Variants in PRXL2A observed in about 807,000 individuals in gnomAD.
PRXL2A encodes the protein peroxiredoxin like 2A, also known as peroxiredoxin-like 2A.
Under a neutral mutation model 25.6 loss-of-function variants are expected in PRXL2A, and 26 were observed. The ratio of observed to expected loss-of-function variants is 1.02; its 90% confidence interval spans 0.74 to 1.41. The LOEUF is 1.41. Among genes scored for constraint, PRXL2A ranks in the 40% most tolerant of loss-of-function variants. The pLI is 0.00. For synonymous variants in PRXL2A, 98 were observed against 102.9 expected, an observed-to-expected ratio of 0.95 and a Z score of 0.29; for missense variants, 246 against 273.9, an observed-to-expected ratio of 0.90 and a Z score of 0.72.
chr10:80,408,220 A>T (rs1589547320), upstream of PRXL2A, among the ~76,000 whole-genome samples: 1 of 151,496 alleles, frequency 6.6e-6, no homozygotes, highest in Middle Eastern at 3.5e-3. Flanking sequence ...CAGGCTGAAG[A>T]TTGGAAGGAA....
rs1845375366 is a variant in PRXL2A, at chr10:80,435,375, C to T, written c.*3276C>T. ...GCTAGAAACTATGCTAGTGTTTGTTCAAGTCTCTCCGTGTCCGGGGTGAGC... is the reference window on the plus strand; with the variant it reads ...GCTAGAAACTATGCTAGTGTTTGTTTAAGTCTCTCCGTGTCCGGGGTGAGC... On this transcript the variant is annotated 3_prime_UTR_variant, in exon 6 of 6. Transcript: ENST00000606162. 1 of 152,150 alleles carries T rather than the reference C, an allele frequency of 6.6e-6. No homozygotes were observed. Among genetic ancestry groups the T allele is most frequent in the African/African-American group, 2.4e-5 (1 of 41,420 alleles). 9.4% of individuals were successfully genotyped at this position (152,150 alleles called of 1,614,324 possible).
At chr10:80,419,516 C>A (rs1184417653) in intron 1 of PRXL2A, among the ~76,000 whole-genome samples, 1 of 149,094 alleles carries the variant, frequency 6.7e-6, no homozygotes, top group Non-Finnish European at 1.5e-5. Context: ...TCATGTTAGT[C>A]AGGCTGGTCT....
Position 80,415,505 on chromosome 10 carries a change from C to T in PRXL2A, c.-2-4961C>T, listed in dbSNP as rs144184177. Among the ~76,000 whole-genome samples, 29 of 152,354 alleles carry T rather than the reference C, an allele frequency of 1.9e-4. No homozygotes were observed. In the East Asian group the frequency reaches 5.0e-3, roughly 26 times the overall value. On this transcript the variant is annotated intron_variant, in intron 1 of 5. Transcript: ENST00000606162. ...TCCATGCTGCCTCCTGTGTCCTACA[C>T]CGGCTCCAAAGCCACTTCCTTCTGG...
chr10:80,411,176 G>A (rs562424377), intron 1 of PRXL2A, among the ~76,000 whole-genome samples: 23 of 152,372 alleles, frequency 1.5e-4, no homozygotes, highest in African/African-American at 5.0e-4. Flanking sequence ...TGCATCATCA[G>A]TATGCTAGAC....
Position 80,436,718 on chromosome 10 carries a change from A to G in PRXL2A, c.*4619A>G, listed in dbSNP as rs1327855232. On this transcript the variant is annotated 3_prime_UTR_variant, in exon 6 of 6. Coordinates refer to ENST00000606162, the MANE Select transcript of PRXL2A (RefSeq NM_032333.5). ...TCCCCAAGGCAGGTCATCAGAAACCAGAACCGGTTTTACCCAAAGCCAGCC... is the reference window on the plus strand; with the variant it reads ...TCCCCAAGGCAGGTCATCAGAAACCGGAACCGGTTTTACCCAAAGCCAGCC... The G allele has an allele frequency of 6.6e-6, 1 of 152,256 alleles. No homozygotes were observed. The highest frequency in any genetic ancestry group is 1.5e-5 in the Non-Finnish European group (1 of 68,058). 9.4% of individuals were successfully genotyped at this position (152,256 alleles called of 1,614,324 possible). A position where few individuals can be genotyped will look rare whatever the true frequency, so the allele number is the denominator to read the frequency against.
At chr10:80,414,587 A>G (rs2131880951) in intron 1 of PRXL2A, among the ~76,000 whole-genome samples, 1 of 152,336 alleles carries the variant, frequency 6.6e-6, no homozygotes, top group South Asian at 2.1e-4. Flanking sequence ...ATCAACAATT[A>G]CAGCAGATGT....
chr10:80,427,102 C>G (rs143494952), intron 4 of PRXL2A, among the ~76,000 whole-genome samples: 2 of 148,688 alleles, frequency 1.3e-5, no homozygotes, highest in African/African-American at 5.0e-5. Context: ...GAGATCGCGC[C>G]GTTGTACTCT....
chr10:80,411,857 G>T (rs141786750), intron 1 of PRXL2A, among the ~76,000 whole-genome samples: 1 of 152,120 alleles, frequency 6.6e-6, no homozygotes, highest in Non-Finnish European at 1.5e-5. Flanking sequence ...GAAGAGGGAC[G>T]ATTCCCTGGG....
At chr10:80,431,443 A>C (rs577913048) in intron 5 of PRXL2A, among the ~76,000 whole-genome samples, 1 of 151,712 alleles carries the variant, frequency 6.6e-6, no homozygotes, top group Non-Finnish European at 1.5e-5. Context: ...TTTTTTTACT[A>C]CCTCCAACTT....
At chr10:80,415,470 G>C (rs368073255) in intron 1 of PRXL2A, among the ~76,000 whole-genome samples, 42 of 152,298 alleles carry the variant, frequency 2.8e-4, no homozygotes, top group African/African-American at 9.4e-4. Context: ...CCCCATCCCA[G>C]CCTAGCCTGT....
At position 80,415,521 on chromosome 10, in the gene PRXL2A, TTCC is replaced by T. The variant is rs374004052; in HGVS notation, c.-2-4943_-2-4941del. 5.1e-4 allele frequency among the ~76,000 whole-genome samples: 77 copies of T among 152,360 alleles called. No homozygotes were observed. In the South Asian group the frequency reaches 9.7e-3, roughly 19 times the overall value. On this transcript the variant is annotated intron_variant, in intron 1 of 5. Coordinates refer to ENST00000606162, the MANE Select transcript of PRXL2A (RefSeq NM_032333.5). The stretch of plus-strand genomic sequence containing the variant: ...TGTCCTACACCGGCTCCAAAGCCAC[TTCC>T]TTCTGGGTGCTTCTGTGGCTACCCA...
At chr10:80,413,549 T>C (rs1589551237) in intron 1 of PRXL2A, among the ~76,000 whole-genome samples, 2 of 152,364 alleles carry the variant, frequency 1.3e-5, no homozygotes, top group South Asian at 4.1e-4. Flanking sequence ...GCTTTGCTTC[T>C]TTAGTCTGCA....
chr10:80,412,053 G>A (rs1844495633), intron 1 of PRXL2A, among the ~76,000 whole-genome samples: 1 of 152,186 alleles, frequency 6.6e-6, no homozygotes, highest in African/African-American at 2.4e-5. Context: ...GGGTGAATGT[G>A]CACACCCAGC....
At chr10:80,421,651 ATT>A (rs72300118) in intron 2 of PRXL2A, among the ~76,000 whole-genome samples, 5 of 144,562 alleles carry the variant, frequency 3.5e-5, no homozygotes, top group African/African-American at 1.3e-4. Flanking sequence ...ACCTGACCCC[ATT>A]TTTTTTTTTT....
chr10:80,412,531 G>T (rs532585031), intron 1 of PRXL2A, among the ~76,000 whole-genome samples: 6 of 152,200 alleles, frequency 3.9e-5, no homozygotes, highest in Non-Finnish European at 5.9e-5. Context: ...CCAACATATT[G>T]TGGAGACAGA....
At chr10:80,430,956 C>A (rs1264963626) in intron 5 of PRXL2A, among the ~76,000 whole-genome samples, 2 of 152,174 alleles carry the variant, frequency 1.3e-5, no homozygotes, top group Admixed American at 6.5e-5. Flanking sequence ...GTGGCGCGAT[C>A]TCGGCTCACT....
intron 1 of PRXL2A, 100 bp from the exon 2 acceptor site, chr10:80,420,366 A>ACCT: frequency 6.7e-7 from 1 of 1,498,348 alleles, no homozygotes; most frequent in Non-Finnish European, 8.9e-7. Context: ...CCCTGTCCTG[A>ACCT]CCTCCTGGTT....
intron 5 of PRXL2A, among the ~76,000 whole-genome samples, chr10:80,430,518 C>A (rs1466631050): frequency 5.3e-5 from 8 of 152,192 alleles, no homozygotes; most frequent in Non-Finnish European, 1.0e-4. Context: ...TGGTGACATG[C>A]ACCTGTAGTC....
At chr10:80,413,916 G>A in intron 1 of PRXL2A, 1 of 1,193,156 alleles carries the variant, frequency 8.4e-7, no homozygotes, top group Non-Finnish European at 1.1e-6. Flanking sequence ...TCTGAGGTTG[G>A]GGGTAAGAGA....
Sources: gnomAD v4.1 joint callset for allele counts (sites outside exome capture counted in the v4.1 genomes callset) on GRCh38, gnomAD v4.1.1 for gene constraint, MANE v1.5 for transcripts, NCBI Gene and HGNC (gene_info 2026-07-23, HGNC 2026-07-21) for gene names.